CDYL: variants seen among roughly 807,000 people sequenced by gnomAD.
The protein encoded by CDYL is chromodomain Y-like protein.
CDYL carries 8 observed loss-of-function variants against 47.3 expected under a neutral mutation model. The ratio of observed to expected loss-of-function variants is 0.17; its 90% confidence interval spans 0.10 to 0.31. CDYL has a LOEUF of 0.31. Among genes scored for constraint, CDYL ranks in the 10% least tolerant of loss-of-function variants. CDYL has a pLI of 1.00. For synonymous variants in CDYL, 266 were observed against 265.0 expected (o/e 1.00, Z -0.04); for missense variants, 471 against 701.4 (o/e 0.67, Z 3.71).
At chr6:4,855,322 G>T (rs1173961620) in intron 1 of CDYL, among the ~76,000 whole-genome samples, 1 of 151,980 alleles carries the variant, frequency 6.6e-6, no homozygotes, top group African/African-American at 2.4e-5. Context: ...TGTCACCCAG[G>T]CTAGAGTGCA....
chr6:4,747,133 C>T (rs1222880687), intron 3 of CDYL, among the ~76,000 whole-genome samples: 1 of 151,950 alleles, frequency 6.6e-6, no homozygotes, highest in African/African-American at 2.4e-5. Context: ...ATGGTGAAAC[C>T]CTGTCTCTAT....
chr6:4,899,928 A>T (rs1297108796), intron 2 of CDYL, among the ~76,000 whole-genome samples: 14 of 152,188 alleles, frequency 9.2e-5, no homozygotes, highest in East Asian at 5.8e-4. Flanking sequence ...TTATTCTGAG[A>T]GTCCCTGCTG....
intron 3 of CDYL, among the ~76,000 whole-genome samples, chr6:4,769,965 T>TTGTGTGTGTGTGTGTG (rs58041362): frequency 2.9e-5 from 4 of 137,816 alleles, no homozygotes; most frequent in Non-Finnish European, 6.2e-5. Context: ...CCCGGCTAAT[T>TTGTGTGTGTGTGTGTG]TGTGTGTGTG....
chr6:4,918,651 G>A (rs1321554851), intron 2 of CDYL, among the ~76,000 whole-genome samples: 2 of 152,156 alleles, frequency 1.3e-5, no homozygotes, highest in East Asian at 3.8e-4. Context: ...GATTGACCGC[G>A]CTTGAATAAA....
chr6:4,732,730 G>T (rs1757629812), intron 2 of CDYL, among the ~76,000 whole-genome samples: 1 of 152,146 alleles, frequency 6.6e-6, no homozygotes, highest in East Asian at 1.9e-4. Context: ...GGGAAAAAAG[G>T]TAATAAGAAA....
intron 1 of CDYL, among the ~76,000 whole-genome samples, chr6:4,791,987 A>G (rs1384659047): frequency 6.7e-6 from 1 of 148,730 alleles, no homozygotes; most frequent in African/African-American, 2.5e-5. Context: ...GGTTCACGCC[A>G]TTCTCCTGCC....
chr6:4,909,345 G>A (rs1757336265), intron 2 of CDYL, among the ~76,000 whole-genome samples: 1 of 152,144 alleles, frequency 6.6e-6, no homozygotes, highest in Non-Finnish European at 1.5e-5. Context: ...CTATTCAGTA[G>A]CTCCAGCCGA....
chr6:4,886,285 T>C (rs1761897978), intron 1 of CDYL, among the ~76,000 whole-genome samples: 1 of 152,194 alleles, frequency 6.6e-6, no homozygotes, highest in Non-Finnish European at 1.5e-5. Flanking sequence ...GGTCATATGG[T>C]AACTCTATTC....
At chr6:4,917,017 G>GA (rs1286894882) in intron 2 of CDYL, among the ~76,000 whole-genome samples, 2 of 152,106 alleles carry the variant, frequency 1.3e-5, no homozygotes, top group East Asian at 1.9e-4. Context: ...CTTTAGGAAG[G>GA]AAAAAATAGC....
chr6:4,783,405 C>G (rs565527351), intron 1 of CDYL, among the ~76,000 whole-genome samples: 1 of 149,688 alleles, frequency 6.7e-6, no homozygotes, highest in Admixed American at 6.6e-5. Flanking sequence ...TGCCTTTGCA[C>G]TATTCTTGAG....
At chr6:4,812,823 A>T (rs1025970261) in intron 1 of CDYL, among the ~76,000 whole-genome samples, 2 of 152,154 alleles carry the variant, frequency 1.3e-5, no homozygotes, top group African/African-American at 4.8e-5. Context: ...ATCTCTGAAC[A>T]TGGTATTTCT....
intron 1 of CDYL, among the ~76,000 whole-genome samples, chr6:4,876,698 T>A (rs1561682514): frequency 1.3e-5 from 2 of 152,202 alleles, no homozygotes; most frequent in African/African-American, 4.8e-5. Context: ...ATTTTAATTA[T>A]ACTTGGTCTT....
chr6:4,937,164 C>T (rs541104192), intron 3 of CDYL, among the ~76,000 whole-genome samples: 1 of 152,114 alleles, frequency 6.6e-6, no homozygotes, highest in East Asian at 1.9e-4. Context: ...CAAGACCATC[C>T]TAGACAACAT....
chr6:4,943,771 A>C lies in CDYL; in HGVS notation c.1332+15A>C. ...GAGGAGCATCTGTGAGTACCTTTTTAAAAAAAAAAAAAAAAAGTCATTCTA... is the reference window on the plus strand; with the variant it reads ...GAGGAGCATCTGTGAGTACCTTTTTCAAAAAAAAAAAAAAAAGTCATTCTA... On this transcript the variant is annotated intron_variant, in intron 5 of 6. Transcript: ENST00000397588. 9.1e-6 allele frequency: 7 copies of C among 772,930 alleles called. No homozygotes were observed. Among genetic ancestry groups the C allele is most frequent in the Non-Finnish European group, 1.1e-5 (7 of 610,898 alleles). 47.9% of individuals were successfully genotyped at this position (772,930 alleles called of 1,614,324 possible).
At chr6:4,803,126 G>T (rs1367263037) in intron 1 of CDYL, among the ~76,000 whole-genome samples, 1 of 152,204 alleles carries the variant, frequency 6.6e-6, no homozygotes, top group Non-Finnish European at 1.5e-5. Context: ...TTCGGACCTG[G>T]CTGTGATCAC....
intron 1 of CDYL, among the ~76,000 whole-genome samples, chr6:4,778,690 A>G (rs556241105): frequency 6.6e-5 from 10 of 152,228 alleles, no homozygotes; most frequent in Non-Finnish European, 1.0e-4. Flanking sequence ...AAAAAAAGGT[A>G]TTATAGAAGT....
chr6:4,819,156 CTCTCTCTGTGTG>C lies in CDYL; in HGVS notation c.24+42351_24+42362del, dbSNP rs1333825495. Among the ~76,000 whole-genome samples the C allele has an allele frequency of 1.4e-3, 177 of 131,108 alleles. 3 individuals carry two copies. Among genetic ancestry groups the C allele is most frequent in the Admixed American group, 4.1e-3 (58 of 13,976 alleles). 86.0% of individuals were successfully genotyped at this position (131,108 alleles called of 152,430 possible). ...TCTCTCTCTCTCTCTCTCTCTCTCTCTCTCTCTGTGTGTGTGTGTGTGTGTGTAGCTCTTCAC... is the reference window on the plus strand; with the variant it reads ...TCTCTCTCTCTCTCTCTCTCTCTCTCTGTGTGTGTGTGTGTAGCTCTTCAC... On this transcript the variant is annotated intron_variant, in intron 1 of 6. Transcript: ENST00000397588.
At chr6:4,719,657 G>C (rs1033827974) in intron 2 of CDYL, among the ~76,000 whole-genome samples, 2 of 152,166 alleles carry the variant, frequency 1.3e-5, no homozygotes, top group African/African-American at 2.4e-5. Flanking sequence ...AACGATGATG[G>C]GGGTTGATCC....
At chr6:4,822,169 A>G (rs1759858108) in intron 1 of CDYL, among the ~76,000 whole-genome samples, 1 of 150,970 alleles carries the variant, frequency 6.6e-6, no homozygotes, top group African/African-American at 2.4e-5. Flanking sequence ...TTCTTTCTGT[A>G]GAGATGGGGT....
Sources: allele counts gnomAD v4.1 joint callset (sites outside exome capture counted in the v4.1 genomes callset), GRCh38; gene constraint gnomAD v4.1.1; transcripts MANE v1.5; gene names NCBI Gene and HGNC (gene_info 2026-07-23, HGNC 2026-07-21).